The following SOX6 variants were observed in gnomAD, a reference collection of about 807,000 sequenced individuals.
SOX6 encodes transcription factor SOX-6.
SOX6 carries 11 observed loss-of-function variants against 97.8 expected under a neutral mutation model. The observed-to-expected ratio is 0.11, with a 90% CI of 0.07 to 0.19. The LOEUF is 0.19. Ranked by LOEUF, SOX6 falls within the 10% of genes least tolerant of loss-of-function variation. The pLI, the probability that SOX6 is intolerant of heterozygous loss-of-function variation, is 1.00. For missense variants in SOX6, 810 were observed against 1,039.5 expected (o/e 0.78, Z 3.04); for synonymous variants, 360 against 371.4 (o/e 0.97, Z 0.35).
chr11:16,379,576 G>A (rs962118516), intron 1 of SOX6, among the ~76,000 whole-genome samples: 2 of 152,022 alleles, frequency 1.3e-5, no homozygotes, highest in African/African-American at 4.8e-5. Flanking sequence ...TTGTCATATT[G>A]ACAATGGTTA....
chr11:16,426,863 G>A (rs1377825761), intron 1 of SOX6, among the ~76,000 whole-genome samples: 4 of 123,556 alleles, frequency 3.2e-5, no homozygotes, highest in South Asian at 2.7e-4. Context: ...GCAGTGAGCC[G>A]AGATCCCGCC....
At chr11:16,348,503 T>C (rs368094026) in intron 1 of SOX6, among the ~76,000 whole-genome samples, 2 of 152,164 alleles carry the variant, frequency 1.3e-5, no homozygotes, top group East Asian at 1.9e-4. Flanking sequence ...TGATGCAATC[T>C]TCATGTTATT....
At chr11:16,183,812 C>T (rs1851402448) in intron 6 of SOX6, 74 bp downstream of exon 6, 8 of 1,380,806 alleles carry the variant, frequency 5.8e-6, no homozygotes, top group Non-Finnish European at 8.2e-6. Flanking sequence ...GGTACATCTG[C>T]AGAGTTTTAA....
At chr11:16,422,582 C>T (rs532328897) in intron 1 of SOX6, among the ~76,000 whole-genome samples, 43 of 152,224 alleles carry the variant, frequency 2.8e-4, no homozygotes, top group African/African-American at 1.0e-3. Context: ...AGAGTTAATT[C>T]GCACTCCCTT....
chr11:16,634,324 A>G (rs935226936), intron 3 of SOX6, among the ~76,000 whole-genome samples: 2 of 151,882 alleles, frequency 1.3e-5, no homozygotes, highest in African/African-American at 4.8e-5. Context: ...AGAAAAGAGA[A>G]GAAAAAAATG....
At chr11:16,131,451 C>T (rs1001022847) in intron 6 of SOX6, among the ~76,000 whole-genome samples, 2 of 151,864 alleles carry the variant, frequency 1.3e-5, no homozygotes, top group Admixed American at 1.3e-4. Context: ...ATTAATAATG[C>T]CAAGTGTTGG....
At chr11:16,076,774 T>C (rs1315626358) in intron 9 of SOX6, among the ~76,000 whole-genome samples, 2 of 120,388 alleles carry the variant, frequency 1.7e-5, no homozygotes, top group Admixed American at 2.3e-4. Context: ...TGAGACGGAG[T>C]CTCTCTCTGT....
intron 1 of SOX6, among the ~76,000 whole-genome samples, chr11:16,342,313 C>T (rs1856663572): frequency 6.6e-6 from 1 of 151,904 alleles, no homozygotes; most frequent in African/African-American, 2.4e-5. Flanking sequence ...GAGCACTTTT[C>T]TAAAACTTTA....
intron 1 of SOX6, among the ~76,000 whole-genome samples, chr11:16,450,680 C>T (rs1183496590): frequency 1.3e-5 from 2 of 152,162 alleles, no homozygotes; most frequent in African/African-American, 4.8e-5. Flanking sequence ...AAAATGTCAC[C>T]TGAGCAGAGT....
At chr11:16,415,327 TA>T (rs200072059) in intron 1 of SOX6, among the ~76,000 whole-genome samples, 82 of 145,976 alleles carry the variant, frequency 5.6e-4, no homozygotes, top group Admixed American at 8.9e-4. Context: ...TATGGATGCT[TA>T]AAAAAAAAAA....
chr11:16,707,043 G>A (rs1848143180), intron 3 of SOX6, among the ~76,000 whole-genome samples: 2 of 152,084 alleles, frequency 1.3e-5, no homozygotes, highest in Admixed American at 1.3e-4. Context: ...ATTCAATAAT[G>A]AGTGGATCTT....
intron 6 of SOX6, among the ~76,000 whole-genome samples, chr11:16,124,273 C>A (rs1367749406): frequency 1.3e-5 from 2 of 152,056 alleles, no homozygotes; most frequent in Non-Finnish European, 2.9e-5. Flanking sequence ...TCCCTACCAT[C>A]ATTTCTAAGA....
At position 16,177,683 on chromosome 11, in the gene SOX6, C is replaced by T. The variant is rs891541525; in HGVS notation, c.777+6203G>A. Among the ~76,000 whole-genome samples, 40 of 148,182 alleles carry T rather than the reference C, an allele frequency of 2.7e-4. 1 individual carries two copies. Among genetic ancestry groups the T allele is most frequent in the Non-Finnish European group, 3.0e-5 (2 of 66,986 alleles). ...TCTCTCTCTCTGATTTTAGTACATA[C>T]TAGAAGAGTATTAAAGACTAACATT... On this transcript the variant is annotated intron_variant, in intron 6 of 15. Transcript: ENST00000683767.
chr11:16,711,959 C>T (rs563637147), intron 3 of SOX6, among the ~76,000 whole-genome samples: 1 of 152,114 alleles, frequency 6.6e-6, no homozygotes, highest in Non-Finnish European at 1.5e-5. Flanking sequence ...TCAGTGAGAA[C>T]AGATGATGTT....
At chr11:16,639,466 C>T (rs1848855877) in intron 3 of SOX6, among the ~76,000 whole-genome samples, 2 of 152,268 alleles carry the variant, frequency 1.3e-5, no homozygotes, top group African/African-American at 4.8e-5. Flanking sequence ...TCGTTGGTAG[C>T]TTGATGGGGA....
intron 4 of SOX6, among the ~76,000 whole-genome samples, chr11:16,522,416 A>C (rs1470800744): frequency 3.3e-5 from 5 of 152,210 alleles, no homozygotes; most frequent in African/African-American, 4.8e-5. Flanking sequence ...AATCCTTTAC[A>C]GAGAAGCAAA....
At chr11:16,041,634 T>TA (rs962746935) in intron 12 of SOX6, among the ~76,000 whole-genome samples, 6 of 152,126 alleles carry the variant, frequency 3.9e-5, no homozygotes, top group African/African-American at 9.7e-5. Flanking sequence ...CAAGCTTTTC[T>TA]AAAAAAATTA....
chr11:16,557,256 C>T (rs1376802568), intron 4 of SOX6, among the ~76,000 whole-genome samples: 1 of 151,800 alleles, frequency 6.6e-6, no homozygotes, highest in Middle Eastern at 3.2e-3. Flanking sequence ...AGGTTAGGAA[C>T]TTTTCCATAT....
rs1425554610 is a variant in SOX6 at position 16,457,557 on chromosome 11, G to A, written c.-5+18758C>T. On this transcript the variant is annotated intron_variant, in intron 1 of 15. Transcript: ENST00000396356. Reference sequence around the variant, plus strand: ...CAACAACCATACCCATTTAACAGATGAAGGAATTGTGACTCAGGCCACGTA... The same window carrying A: ...CAACAACCATACCCATTTAACAGATAAAGGAATTGTGACTCAGGCCACGTA... 2.6e-5 allele frequency among the ~76,000 whole-genome samples: 4 copies of A among 152,040 alleles called. No homozygotes were observed. In the East Asian group the frequency reaches 5.8e-4, roughly 22 times the overall value.
Sources: allele counts gnomAD v4.1 joint callset (sites outside exome capture counted in the v4.1 genomes callset), GRCh38; gene constraint gnomAD v4.1.1; transcripts MANE v1.5; gene names NCBI Gene and HGNC (gene_info 2026-07-23, HGNC 2026-07-21).